Variants in SAMHD1 observed in about 807,000 individuals in gnomAD.
SAMHD1 encodes deoxynucleoside triphosphate triphosphohydrolase SAMHD1.
Under a neutral mutation model 79.6 loss-of-function variants are expected in SAMHD1, and 54 were observed. The ratio of observed to expected loss-of-function variants is 0.68; its 90% CI spans 0.55 to 0.85. The LOEUF is 0.85. Among genes scored for constraint, SAMHD1 ranks in the 40% least tolerant of loss-of-function variants. The pLI is 0.00. For synonymous variants in SAMHD1, 260 were observed against 264.1 expected, an observed-to-expected ratio of 0.98 and a Z score of 0.15; for missense variants, 663 against 782.7, an observed-to-expected ratio of 0.85 and a Z score of 1.82.
chr20:36,933,315 ACAGAGG>A (rs1241216190), intron 4 of SAMHD1, among the ~76,000 whole-genome samples: 2 of 152,224 alleles, frequency 1.3e-5, no homozygotes, highest in African/African-American at 2.4e-5. Context: ...GTTGTATGTA[ACAGAGG>A]CATCGCCTTC....
intron 3 of SAMHD1, chr20:36,940,476 A>G (rs192690636): frequency 1.5e-4 from 23 of 156,296 alleles, no homozygotes; most frequent in South Asian, 7.7e-4. Context: ...AGGCAGGTCA[A>G]TCTCTTGAGC....
chr20:36,934,955 G>T, intron 4 of SAMHD1, 74 bp downstream of exon 4: 1 of 1,497,716 alleles, frequency 6.7e-7, no homozygotes, highest in Non-Finnish European at 9.3e-7. Context: ...ACCATGCCTG[G>T]CCTAAGATAA....
intron 15 of SAMHD1, chr20:36,893,337 C>T (rs1297351824): frequency 3.8e-6 from 2 of 520,206 alleles, no homozygotes; most frequent in Non-Finnish European, 6.9e-6. Context: ...ACCTCTATGG[C>T]CTCCTTCACA....
chr20:36,919,405 G>C lies in SAMHD1; in HGVS notation c.811C>G (p.Gln271Glu). 1 of 1,613,572 alleles carries C rather than the reference G, an allele frequency of 6.2e-7. No individual in the cohort carries two copies. The highest frequency in any genetic ancestry group is 8.5e-7 in the Non-Finnish European group (1 of 1,179,690). The change falls in exon 7 of 16, where the codon CAA becomes GAA. Residue 271 changes from glutamine to glutamate, a missense_variant. Coordinates refer to ENST00000646673, the MANE Select transcript of SAMHD1 (RefSeq NM_015474.4). The stretch of plus-strand genomic sequence containing the variant: ...GGTGATTCAAGTGGTCCTACAATTT[G>C]TTCCTTTATAAAGCAAATATCTTCT... ...PEEDICFIKE[Q>E]IVGPLESPVE...
At chr20:36,894,453 G>C (rs7262812) in intron 15 of SAMHD1, among the ~76,000 whole-genome samples, 1 of 151,870 alleles carries the variant, frequency 6.6e-6, no homozygotes, top group African/African-American at 2.4e-5. Context: ...GGATGGTCTC[G>C]AACTCCTGAC....
intron 11 of SAMHD1, among the ~76,000 whole-genome samples, chr20:36,909,172 G>A (rs1227224492): frequency 6.6e-6 from 1 of 151,984 alleles, no homozygotes; most frequent in Non-Finnish European, 1.5e-5. Flanking sequence ...ATTTTGGACA[G>A]GATGGTCTCG....
At chr20:36,935,455 T>C (rs1434680958) in intron 3 of SAMHD1, 6 of 462,808 alleles carry the variant, frequency 1.3e-5, no homozygotes, top group Non-Finnish European at 2.0e-5. Flanking sequence ...TTATTATGTA[T>C]ATGACTTAGT....
intron 7 of SAMHD1, among the ~76,000 whole-genome samples, chr20:36,917,614 G>T (rs147796706): frequency 0.017 from 2,558 of 152,222 alleles, 30 homozygotes; most frequent in Non-Finnish European, 0.026. Context: ...TTGTGCCACT[G>T]CCCTCTAGCC....
intron 11 of SAMHD1, among the ~76,000 whole-genome samples, chr20:36,909,609 T>A (rs1056191999): frequency 6.8e-6 from 1 of 146,532 alleles, no homozygotes; most frequent in Non-Finnish European, 1.5e-5. Flanking sequence ...AGGCGGAGGT[T>A]GCAGTGAGCC....
intron 3 of SAMHD1, 152 bp from the exon 4 acceptor site, chr20:36,935,341 CT>C (rs2146137824): frequency 1.5e-6 from 1 of 679,196 alleles, no homozygotes; most frequent in East Asian, 2.7e-5. Flanking sequence ...ACATCATTAC[CT>C]TATTTAGGTA....
intron 3 of SAMHD1, chr20:36,940,383 G>A (rs2063635203): frequency 6.6e-6 from 1 of 152,432 alleles, no homozygotes; most frequent in Admixed American, 6.5e-5. Context: ...TACTTCTAGG[G>A]AGAAAAGGAT....
intron 13 of SAMHD1, among the ~76,000 whole-genome samples, chr20:36,902,512 C>A (rs887632373): frequency 5.9e-5 from 9 of 152,102 alleles, no homozygotes; most frequent in Non-Finnish European, 1.3e-4. Flanking sequence ...GGGAGAATCA[C>A]ACTAAGCCTG....
chr20:36,951,361 G>C (rs923342855), intron 1 of SAMHD1, 75 bp downstream of exon 1: 8 of 1,595,084 alleles, frequency 5.0e-6, no homozygotes, highest in Non-Finnish European at 6.8e-6. Flanking sequence ...CTCTCGTGGG[G>C]CCCCCTCCCT....
chr20:36,942,790 C>A (rs1248224602), intron 2 of SAMHD1, among the ~76,000 whole-genome samples: 1 of 151,870 alleles, frequency 6.6e-6, no homozygotes, highest in Admixed American at 6.6e-5. Flanking sequence ...GGGACTACAG[C>A]CGCCCGCCAC....
intron 1 of SAMHD1, 125 bp downstream of exon 1, chr20:36,951,311 G>C (rs1038196199): frequency 2.0e-5 from 28 of 1,371,870 alleles, no homozygotes; most frequent in Admixed American, 1.0e-4. Context: ...CCGCCCTCCC[G>C]GGTGCCTCCC....
rs1990225460 is a variant in SAMHD1 at position 36,897,853 on chromosome 20, C to T, written c.1715G>A (p.Trp572Ter). The T allele has an allele frequency of 6.2e-7, 1 of 1,614,062 alleles. No individual in the cohort carries two copies. The highest frequency in any genetic ancestry group is 8.5e-7 in the Non-Finnish European group (1 of 1,180,046). Residue 572 changes from tryptophan (W) to a stop codon, truncating the protein, a stop_gained, in exon 15 of 16, where the codon TGG (tryptophan) becomes TAG (stop). Coordinates refer to ENST00000646673, the MANE Select transcript of SAMHD1 (RefSeq NM_015474.4). LOFTEE classifies it low-confidence loss of function (END_TRUNC). Reference sequence around the variant, plus strand: ...CTTGGTGAAATTTCTGTCTGCACACCACTGAACAAAATATTGTCTTGCGGC... The same window carrying T: ...CTTGGTGAAATTTCTGTCTGCACACTACTGAACAAAATATTGTCTTGCGGC... ...LYAARQYFVQWCADRNFTKPQ... is the reference protein window; with the variant it reads ...LYAARQYFVQ
intron 4 of SAMHD1, among the ~76,000 whole-genome samples, chr20:36,934,064 G>C (rs1372196729): frequency 6.6e-6 from 1 of 151,432 alleles, no homozygotes; most frequent in African/African-American, 2.4e-5. Context: ...AAAAAGTGCT[G>C]GGATTACAGG....
At chr20:36,909,680 CAAAAAAAAAAAA>C (rs56389967) in intron 11 of SAMHD1, among the ~76,000 whole-genome samples, 190 of 121,116 alleles carry the variant, frequency 1.6e-3, no homozygotes, top group Middle Eastern at 4.4e-3. Flanking sequence ...CACCCCCCTC[CAAAAAAAAAAAA>C]AAAAAAAAAA....
chr20:36,945,218 G>A (rs1310462817), intron 2 of SAMHD1, among the ~76,000 whole-genome samples: 2 of 152,082 alleles, frequency 1.3e-5, no homozygotes, highest in Non-Finnish European at 2.9e-5. Context: ...TTAATTTTCT[G>A]TATCACTATC....
Sources: gnomAD v4.1 joint callset for allele counts (sites outside exome capture counted in the v4.1 genomes callset) on GRCh38, gnomAD v4.1.1 for gene constraint, MANE v1.5 for transcripts, NCBI Gene and HGNC (gene_info 2026-07-23, HGNC 2026-07-21) for gene names.